PCNX1: variants seen among roughly 807,000 people sequenced by gnomAD.
PCNX1 encodes pecanex-like protein 1.
In PCNX1, 78 loss-of-function variants were observed where a neutral mutation model predicts 242.2. That is an observed-to-expected ratio of 0.32 (90% CI 0.27 to 0.39). The LOEUF is 0.39. Ranked by LOEUF, PCNX1 falls within the 10% of genes least tolerant of loss-of-function variation. The pLI, the probability that PCNX1 is intolerant of heterozygous loss-of-function variation, is 1.00. For missense variants in PCNX1, 2,581 were observed against 2,856.5 expected (o/e 0.90, Z 2.20); for synonymous variants, 1,024 against 1,032.9 (o/e 0.99, Z 0.17).
chr14:70,953,305 A>G (rs186613745), intron 2 of PCNX1, among the ~76,000 whole-genome samples: 7 of 152,118 alleles, frequency 4.6e-5, no homozygotes, highest in African/African-American at 1.7e-4. Context: ...CATGAAATGT[A>G]AAAGGTGTCT....
intron 1 of PCNX1, among the ~76,000 whole-genome samples, chr14:70,946,416 T>G (rs1225140774): frequency 1.3e-5 from 2 of 152,248 alleles, no homozygotes; most frequent in Non-Finnish European, 2.9e-5. Flanking sequence ...TATACTGTAA[T>G]GTGATACCTT....
At chr14:71,073,891 T>A in intron 27 of PCNX1, 93 bp downstream of exon 27, 3 of 841,542 alleles carry the variant, frequency 3.6e-6, no homozygotes, top group Non-Finnish European at 4.9e-6. Flanking sequence ...ATACTTTTTT[T>A]TAACGTATGC....
chr14:71,084,447 C>T (rs769973161), intron 28 of PCNX1, among the ~76,000 whole-genome samples: 2 of 152,196 alleles, frequency 1.3e-5, no homozygotes, highest in Non-Finnish European at 2.9e-5. Flanking sequence ...AAGCTGTGCC[C>T]ACAGCCACCC....
chr14:70,912,585 T>C (rs10129880), intron 1 of PCNX1, among the ~76,000 whole-genome samples: 246 of 151,994 alleles, frequency 1.6e-3, no homozygotes, highest in African/African-American at 5.7e-3. Flanking sequence ...TCTGTCATGT[T>C]AGTTAATGGC....
chr14:71,045,216 G>A lies in PCNX1; in HGVS notation c.3951G>A (p.Gln1317=), dbSNP rs935165185. The change falls in exon 20 of 36, where the codon CAG becomes CAA. Residue 1317 remains glutamine, a synonymous_variant. Transcript: ENST00000304743. ...ATGTGCTGCCTCAAGTTAGAAAACA[G>A]CTACCATGGCACTGTTTCTCTCATC... ...THYVLPQVRK[Q]LPWHCFSHPL... The A allele has an allele frequency of 2.5e-6, 4 of 1,613,058 alleles. No individual in the cohort carries two copies. In the African/African-American group the frequency reaches 4.0e-5, roughly 16 times the overall value.
At position 71,115,325 on chromosome 14, in the gene PCNX1, A is replaced by T. The variant is rs1294727524; in HGVS notation, c.*5390A>T. On this transcript the variant is annotated 3_prime_UTR_variant, in exon 36 of 36. Transcript: ENST00000304743. ...TTCTTTTGGCAAATATATTGCATCA[A>T]AAATACAGTATTGACAGTGGATAAA... 1 of 152,648 alleles carries T rather than the reference A, an allele frequency of 6.6e-6. No individual in the cohort carries two copies. Among genetic ancestry groups the T allele is most frequent in the Non-Finnish European group, 1.5e-5 (1 of 68,036 alleles). The allele number at this position is 152,648 out of a possible 1,614,324, so 9.5% of individuals were successfully genotyped here.
At chr14:70,962,608 C>T (rs571549893) in intron 3 of PCNX1, among the ~76,000 whole-genome samples, 12 of 152,266 alleles carry the variant, frequency 7.9e-5, no homozygotes, top group East Asian at 3.9e-4. Flanking sequence ...TTCTAGCTTG[C>T]GCTATCTTCA....
chr14:71,009,549 G>A, intron 8 of PCNX1, 85 bp from the exon 9 acceptor site: 1 of 719,118 alleles, frequency 1.4e-6, no homozygotes, highest in African/African-American at 1.8e-5. Context: ...TTCTTAAGAT[G>A]TAGAAACTTA....
intron 28 of PCNX1, chr14:71,085,796 TC>T (rs2061973912): frequency 2.7e-6 from 1 of 365,190 alleles, no homozygotes; most frequent in African/African-American, 2.2e-5. Flanking sequence ...CTTCAGCCCA[TC>T]CTTAGGAGCC....
Position 71,113,733 on chromosome 14 carries a change from C to T in PCNX1, c.*3798C>T, listed in dbSNP as rs1466650024. On this transcript the variant is annotated 3_prime_UTR_variant, in exon 36 of 36. Coordinates refer to ENST00000304743, the MANE Select transcript of PCNX1 (RefSeq NM_014982.3). The stretch of plus-strand genomic sequence containing the variant: ...GAGAAAAAGGTAATAATGATTTTGT[C>T]AGAATTCTTTGAATTTATATTTACT... 6.6e-6 allele frequency: 1 copy of T among 152,174 alleles called. No homozygotes were observed. The highest frequency in any genetic ancestry group is 1.5e-5 in the Non-Finnish European group (1 of 68,024). The allele number at this position is 152,174 out of a possible 1,614,324, so 9.4% of individuals were successfully genotyped here.
At chr14:71,025,742 G>T (rs1269414731) in intron 13 of PCNX1, among the ~76,000 whole-genome samples, 1 of 152,064 alleles carries the variant, frequency 6.6e-6, no homozygotes, top group Non-Finnish European at 1.5e-5. Context: ...AGCGATGTGC[G>T]CCTGTAGTCC....
At chr14:70,971,007 A>G (rs918000269) in intron 5 of PCNX1, among the ~76,000 whole-genome samples, 8 of 152,258 alleles carry the variant, frequency 5.3e-5, no homozygotes, top group African/African-American at 1.9e-4. Flanking sequence ...TTAGAGAGAA[A>G]TTATAAGAAA....
chr14:70,950,084 T>G (rs938218944), intron 2 of PCNX1, among the ~76,000 whole-genome samples: 2 of 152,162 alleles, frequency 1.3e-5, no homozygotes, highest in African/African-American at 4.8e-5. Context: ...TTGAAAGCCT[T>G]TGTTTATTCC....
At chr14:70,932,391 G>C (rs554498424) in intron 1 of PCNX1, among the ~76,000 whole-genome samples, 1 of 152,070 alleles carries the variant, frequency 6.6e-6, no homozygotes, top group East Asian at 1.9e-4. Context: ...GGGTGATCTA[G>C]ATTGTTTTAT....
At chr14:71,018,114 T>C (rs1286987046) in intron 11 of PCNX1, among the ~76,000 whole-genome samples, 1 of 152,174 alleles carries the variant, frequency 6.6e-6, no homozygotes, top group African/African-American at 2.4e-5. Context: ...AATTTTTTAA[T>C]AGCAGAACTT....
intron 19 of PCNX1, 24 bp downstream of exon 19, chr14:71,036,181 A>ATTTG (rs1420350263): frequency 2.8e-6 from 4 of 1,447,224 alleles, no homozygotes; most frequent in Admixed American, 1.7e-5. Flanking sequence ...TTCTCCTTTT[A>ATTTG]TTTGTTTGTT....
chr14:71,088,031 T>C (rs1304739692), intron 28 of PCNX1, among the ~76,000 whole-genome samples: 1 of 152,100 alleles, frequency 6.6e-6, no homozygotes. Context: ...GTAATATCAG[T>C]AATCTCAGTA....
chr14:70,988,129 C>T (rs1045595267), intron 6 of PCNX1, among the ~76,000 whole-genome samples: 1 of 152,180 alleles, frequency 6.6e-6, no homozygotes, highest in African/African-American at 2.4e-5. Flanking sequence ...AATATACTGT[C>T]TTTGCTGCTT....
intron 28 of PCNX1, chr14:71,085,746 A>G: frequency 3.3e-6 from 1 of 305,614 alleles, no homozygotes; most frequent in South Asian, 4.0e-5. Flanking sequence ...AGGTGGTTTT[A>G]GCTTTAACAG....
Sources: allele counts gnomAD v4.1 joint callset (sites outside exome capture counted in the v4.1 genomes callset), GRCh38; gene constraint gnomAD v4.1.1; transcripts MANE v1.5; gene names NCBI Gene and HGNC (gene_info 2026-07-23, HGNC 2026-07-21).